Variants in CADM2 observed in about 807,000 individuals in gnomAD.
CADM2 encodes cell adhesion molecule 2.
Under a neutral mutation model 49.8 loss-of-function variants are expected in CADM2, and 12 were observed. The observed-to-expected ratio is 0.24, with a 90% CI of 0.15 to 0.39. The LOEUF is 0.39. Among genes scored for constraint, CADM2 ranks in the 10% least tolerant of loss-of-function variants. CADM2 has a pLI of 1.00. For synonymous variants in CADM2, 214 were observed against 175.4 expected (o/e 1.22, Z -1.74); for missense variants, 378 against 492.3 (o/e 0.77, Z 2.20).
At chr3:85,657,398 A>G (rs947500965) in intron 1 of CADM2, among the ~76,000 whole-genome samples, 3 of 152,068 alleles carry the variant, frequency 2.0e-5, no homozygotes, top group African/African-American at 7.2e-5. Flanking sequence ...GTTCTCAGTA[A>G]ATGTTAGTTC....
At chr3:85,816,901 T>A (rs1037327213) in intron 3 of CADM2, among the ~76,000 whole-genome samples, 1 of 152,216 alleles carries the variant, frequency 6.6e-6, no homozygotes, top group African/African-American at 2.4e-5. Context: ...ACTAAATGTT[T>A]TTTCACCCTC....
intron 1 of CADM2, among the ~76,000 whole-genome samples, chr3:85,607,781 C>T (rs143275339): frequency 2.4e-3 from 365 of 151,980 alleles, no homozygotes; most frequent in Non-Finnish European, 3.7e-3. Context: ...CTCAGCCTCC[C>T]GATTAGCTGA....
At chr3:85,794,108 A>C (rs1170392719) in intron 2 of CADM2, among the ~76,000 whole-genome samples, 1 of 152,174 alleles carries the variant, frequency 6.6e-6, no homozygotes, top group Non-Finnish European at 1.5e-5. Context: ...CTTCATACAT[A>C]TAATCCTTAT....
At chr3:85,613,078 A>G (rs919764453) in intron 1 of CADM2, among the ~76,000 whole-genome samples, 4 of 151,754 alleles carry the variant, frequency 2.6e-5, no homozygotes, top group Non-Finnish European at 1.5e-5. Context: ...AAAAGAATAT[A>G]AACACACACA....
intron 1 of CADM2, among the ~76,000 whole-genome samples, chr3:85,593,902 C>T (rs553211147): frequency 5.9e-5 from 9 of 151,660 alleles, no homozygotes; most frequent in Non-Finnish European, 5.9e-5. Context: ...GAAACACAAT[C>T]GAGATTTATT....
chr3:85,936,394 C>T (rs1721193354), intron 7 of CADM2, among the ~76,000 whole-genome samples: 1 of 151,752 alleles, frequency 6.6e-6, no homozygotes. Context: ...GATAATGTCA[C>T]TTCAACTCTA....
chr3:85,360,139 G>T (rs2032251197), intron 1 of CADM2, among the ~76,000 whole-genome samples: 1 of 151,800 alleles, frequency 6.6e-6, no homozygotes, highest in Non-Finnish European at 1.5e-5. Context: ...GAATACAAGA[G>T]ACTTCAATAC....
chr3:85,966,378 A>AT (rs1258286243), intron 8 of CADM2, among the ~76,000 whole-genome samples: 2 of 151,344 alleles, frequency 1.3e-5, no homozygotes, highest in Admixed American at 6.6e-5. Context: ...TTTCAAATTT[A>AT]TTTTTTCTTT....
At chr3:85,993,508 C>G (rs969436066) in intron 8 of CADM2, 1 of 152,118 alleles carries the variant, frequency 6.6e-6, no homozygotes, top group East Asian at 1.9e-4. Context: ...CACAAATGAT[C>G]GTAATGACAT....
At chr3:85,317,135 G>T (rs1461375691) in intron 1 of CADM2, among the ~76,000 whole-genome samples, 1 of 150,588 alleles carries the variant, frequency 6.6e-6, no homozygotes, top group East Asian at 2.0e-4. Context: ...GCTTTTTTTG[G>T]GGGGATGGGG....
intron 1 of CADM2, among the ~76,000 whole-genome samples, chr3:85,569,415 G>C (rs1004208530): frequency 6.6e-6 from 1 of 152,006 alleles, no homozygotes; most frequent in Non-Finnish European, 1.5e-5. Flanking sequence ...ATGAATATTT[G>C]TGTGCAACTT....
chr3:85,441,839 A>G (rs1027902255), intron 1 of CADM2, among the ~76,000 whole-genome samples: 1 of 152,138 alleles, frequency 6.6e-6, no homozygotes, highest in Admixed American at 6.6e-5. Context: ...ATTTAAAAAG[A>G]AACTTTAAAC....
At chr3:85,393,599 G>C (rs139845741) in intron 1 of CADM2, among the ~76,000 whole-genome samples, 1 of 152,068 alleles carries the variant, frequency 6.6e-6, no homozygotes, top group Non-Finnish European at 1.5e-5. Flanking sequence ...TTATCAAACT[G>C]CATGGAAGAG....
chr3:85,559,926 A>G (rs1214057214), intron 1 of CADM2, among the ~76,000 whole-genome samples: 2 of 152,152 alleles, frequency 1.3e-5, no homozygotes, highest in Non-Finnish European at 2.9e-5. Context: ...TGTTGCTCTA[A>G]ACACCTTTTA....
intron 1 of CADM2, among the ~76,000 whole-genome samples, chr3:85,226,641 G>C (rs2107803188): frequency 6.6e-6 from 1 of 151,376 alleles, no homozygotes; most frequent in Non-Finnish European, 1.5e-5. Context: ...GTTCTGCCTT[G>C]ATCTTAGTTA....
chr3:85,510,992 A>G (rs2040589299), intron 1 of CADM2, among the ~76,000 whole-genome samples: 1 of 152,092 alleles, frequency 6.6e-6, no homozygotes, highest in East Asian at 1.9e-4. Context: ...ATAAGTGCAT[A>G]GATGTAATTA....
intron 1 of CADM2, among the ~76,000 whole-genome samples, chr3:85,509,013 A>G (rs2040488271): frequency 6.6e-6 from 1 of 152,178 alleles, no homozygotes; most frequent in Non-Finnish European, 1.5e-5. Context: ...ATTTTAATTG[A>G]TGTTTTTATG....
rs529485303 is a variant in CADM2, at chr3:85,386,339, G to A, written c.62-340183G>A. Among the ~76,000 whole-genome samples, 11 of 152,212 alleles carry A rather than the reference G, an allele frequency of 7.2e-5. No individual in the cohort carries two copies. The East Asian group carries it at 2.1e-3, about 29-fold the overall frequency. On this transcript the variant is annotated intron_variant, in intron 1 of 9. Coordinates refer to ENST00000383699, the MANE Select transcript of CADM2 (RefSeq NM_001167675.2). ...CAAAGAGAATACAAGAAAGTATAAA[G>A]TATTAAGGAGAGCAGGTCCCATCCT...
At chr3:85,792,042 G>C (rs2071369477) in intron 2 of CADM2, among the ~76,000 whole-genome samples, 1 of 152,120 alleles carries the variant, frequency 6.6e-6, no homozygotes, top group Non-Finnish European at 1.5e-5. Context: ...TTATGTTTAA[G>C]AATTGTTAAC....
Sources: allele counts gnomAD v4.1 joint callset (sites outside exome capture counted in the v4.1 genomes callset), GRCh38; gene constraint gnomAD v4.1.1; transcripts MANE v1.5; gene names NCBI Gene and HGNC (gene_info 2026-07-23, HGNC 2026-07-21).